MYH7: variants seen among roughly 807,000 people sequenced by gnomAD.
MYH7 encodes the protein myosin heavy chain 7, also known as myosin-7.
A neutral mutation model predicts 225.4 loss-of-function variants in MYH7; 129 were observed. The observed-to-expected ratio is 0.57, with a 90% CI of 0.50 to 0.66. The LOEUF (loss-of-function observed/expected upper bound fraction) is 0.66, where lower values mean the gene tolerates loss of function less well. Ranked by LOEUF, MYH7 falls within the 30% of genes least tolerant of loss-of-function variation. The pLI, the probability that MYH7 is intolerant of heterozygous loss-of-function variation, is 0.00. For synonymous variants in MYH7, 971 were observed against 1,007.6 expected, an observed-to-expected ratio of 0.96 and a Z score of 0.69; for missense variants, 1,649 against 2,517.0, an observed-to-expected ratio of 0.66 and a Z score of 7.38.
At position 23,433,337 on chromosome 14, in the gene MYH7, C is replaced by A. The variant is rs568980149; in HGVS notation, c.202-110G>T. On this transcript the variant is annotated intron_variant, in intron 3 of 39. Transcript: ENST00000355349. This position sits in a 1 kb window ranked among gnomAD's most constrained non-coding sequence, Gnocchi z 4.1. ...GCAATAGTGCTCAAGAGAGAAGGAA[C>A]CAGGATCTCACAGGGAAGACAGAAG... is the stretch of plus-strand genomic sequence containing the variant. 6.5e-7 allele frequency: 1 copy of A among 1,535,226 alleles called. No individual in the cohort carries two copies. Among genetic ancestry groups the A allele is most frequent in the South Asian group, 1.1e-5 (1 of 87,640 alleles).
At position 23,415,656 on chromosome 14, in the gene MYH7, A is replaced by G. The variant is rs771954434; in HGVS notation, c.5130T>C (p.Ser1710=). The change falls in exon 35 of 40, where the codon AGT becomes AGC. Residue 1710 remains serine (S), a synonymous_variant. Coordinates refer to ENST00000355349, the MANE Select transcript of MYH7 (RefSeq NM_000257.4). This position sits in a 1 kb window ranked among gnomAD's most constrained non-coding sequence, Gnocchi z 6.3. The part of the protein sequence containing the change: ...KLAEQELIET[S]ERVQLLHSQN... ...GGGAATGCAGCAGCTGCACCCGCTC[A>G]CTAGTCTCAATCAGCTCCTGCTCCG... 7.4e-6 allele frequency: 12 copies of G among 1,613,934 alleles called. No homozygotes were observed. The highest frequency in any genetic ancestry group is 2.7e-5 in the African/African-American group (2 of 75,046).
At chr14:23,416,359 AG>A in intron 33 of MYH7, 47 bp from the exon 34 acceptor site, 2 of 1,589,658 alleles carry the variant, frequency 1.3e-6, no homozygotes, top group Non-Finnish European at 1.7e-6. Context: ...GTCAGGGCAC[AG>A]GGCAGGGTGG....
intron 9 of MYH7, 73 bp from the exon 10 acceptor site, chr14:23,431,072 T>C (rs1892915961): frequency 1.8e-6 from 2 of 1,130,802 alleles, no homozygotes; most frequent in Non-Finnish European, 2.7e-6. Context: ...TAATGATAAA[T>C]GTAGCAAGCA....
At chr14:23,421,173 G>A (rs1892460745) in intron 25 of MYH7, 125 bp from the exon 26 acceptor site, 1 of 734,534 alleles carries the variant, frequency 1.4e-6, no homozygotes, top group African/African-American at 1.7e-5. Context: ...AGCTTCTGGG[G>A]GTGATGTAGG....
At position 23,420,230 on chromosome 14, in the gene MYH7, C is replaced by T. The variant is rs730880773; in HGVS notation, c.3341G>A (p.Arg1114His). The T allele has an allele frequency of 3.7e-6, 6 of 1,609,242 alleles. No individual in the cohort carries two copies. Among genetic ancestry groups the T allele is most frequent in the East Asian group, 2.2e-5 (1 of 44,740 alleles). Residue 1114 changes from arginine to histidine, a missense_variant, in exon 27 of 40, where the codon CGC becomes CAC. Physicochemically the swap from Arg to His is conservative, Grantham distance 29. This residue lies in a region of MYH7 where 106 missense variants were observed against 198.8 expected (regional missense o/e 0.53). Transcript: ENST00000355349. ...CAGCTCCTCCTCCAGCTCCTCGATG[C>T]GTGCCTGGTCAGACACAAAGGGCTC... ...LQKKLKELQA[R>H]IEELEEELEA... is the part of the protein sequence containing the mutation.
rs1892151939 is a variant in MYH7 at position 23,415,426 on chromosome 14, C to A, written c.5238G>T (p.Gln1746His). The A allele has an allele frequency of 6.2e-7, 1 of 1,614,232 alleles. No individual in the cohort carries two copies. The change falls in exon 36 of 40, where the codon CAG becomes CAT. Residue 1746 changes from glutamine (Q) to histidine (H), a missense_variant. Around this residue, in one of 12 missense-constraint regions of MYH7, gnomAD observed 687 missense variants for 913.8 expected, o/e 0.75. Transcript: ENST00000355349. This position sits in a 1 kb window ranked among gnomAD's most constrained non-coding sequence, Gnocchi z 6.3. ...CCTTCTCCTCAGCATTCCTGCACTC[C>A]TGCACTGCCTCCTCCACTTCAGTCT... ...QLQTEVEEAV[Q>H]ECRNAEEKAK... is the part of the protein sequence containing the mutation.
chr14:23,428,869 G>A (rs1167087124), intron 14 of MYH7, 86 bp downstream of exon 14: 1 of 1,604,002 alleles, frequency 6.2e-7, no homozygotes, highest in East Asian at 2.2e-5. Flanking sequence ...TCCCATGTCT[G>A]GTCCACAGCT....
chr14:23,417,679 G>A lies in MYH7; in HGVS notation c.4177C>T (p.Leu1393=). 6.2e-7 allele frequency: 1 copy of A among 1,612,784 alleles called. No individual in the cohort carries two copies. Among genetic ancestry groups the A allele is most frequent in the Non-Finnish European group, 8.5e-7 (1 of 1,180,016 alleles). Residue 1393 remains leucine, a synonymous_variant, in exon 31 of 40, where the codon CTG becomes TTG. Transcript: ENST00000355349. ...TEELEEAKKK[L]AQRLQEAEEA... Reference sequence around the variant, plus strand: ...TCAGCTTCCTGCAGCCGCTGGGCCAGCTTCTTCCTGCCCAGGGGAGGGTGG... The same window carrying A: ...TCAGCTTCCTGCAGCCGCTGGGCCAACTTCTTCCTGCCCAGGGGAGGGTGG...
intron 17 of MYH7, 112 bp from the exon 18 acceptor site, chr14:23,426,976 C>A: frequency 9.3e-7 from 1 of 1,078,720 alleles, no homozygotes; most frequent in Non-Finnish European, 1.4e-6. Context: ...CGAGAAGTCA[C>A]AGAGATGAAG....
intron 30 of MYH7, 125 bp downstream of exon 30, chr14:23,418,085 A>G: frequency 1.4e-6 from 2 of 1,384,642 alleles, no homozygotes; most frequent in Non-Finnish European, 2.1e-6. Context: ...GGGCCGGGGC[A>G]GAGTCCTCCT....
In MYH7 at chr14:23,424,752, T is replaced by C. The variant is rs767776809; in HGVS notation, c.2679+17A>G. ...CAGAGCAGGGTGGAAGAGCCAACAG[T>C]AGCCCAGGAGCCTCACCGCCTGCAC... On this transcript the variant is annotated intron_variant, in intron 22 of 39. Coordinates refer to ENST00000355349, the MANE Select transcript of MYH7 (RefSeq NM_000257.4). The C allele has an allele frequency of 1.9e-6, 3 of 1,613,758 alleles. No individual in the cohort carries two copies.
rs138682220 is a variant in MYH7 at position 23,415,103 on chromosome 14, C to T, written c.5451G>A (p.Ala1817=). The part of the protein sequence containing the change: ...GGKKQLQKLE[A]RVRELENELE... ...GCTCATTCTCCAGCTCCCGCACCCG[C>T]GCTTCCAGCTTCTGCAGCTGCTTCT... Residue 1817 remains alanine (A), a synonymous_variant, in exon 37 of 40, where the codon GCG becomes GCA. Transcript: ENST00000355349. The surrounding 1 kb of genome is among the most constrained non-coding windows in gnomAD (Gnocchi z 6.3). 4.3e-5 allele frequency: 70 copies of T among 1,613,972 alleles called. No homozygotes were observed. Among genetic ancestry groups the T allele is most frequent in the Admixed American group, 2.7e-4 (16 of 60,004 alleles).
rs746809431 is a variant in MYH7 at position 23,412,802 on chromosome 14, C to A, written c.*52G>T. 1.1e-5 allele frequency: 18 copies of A among 1,608,168 alleles called. No homozygotes were observed. In the Admixed American group the frequency reaches 1.2e-4, roughly 10 times the overall value. On this transcript the variant is annotated 3_prime_UTR_variant, in exon 40 of 40. Transcript: ENST00000355349. ...CAAGGAGCTGTTACACAGGCTCCAG[C>A]ATGGGGCTTTGCTGGCACCTCCAGG...
chr14:23,433,219 G>A lies in MYH7; in HGVS notation c.210C>T (p.Thr70=), dbSNP rs774429242. The change falls in exon 4 of 40, where the codon ACC becomes ACT. Residue 70 remains threonine, a synonymous_variant. Transcript: ENST00000355349. The surrounding 1 kb of genome is among the most constrained non-coding windows in gnomAD (Gnocchi z 4.1). ...GCTGCATCACCTGGTCCTCCTTCAC[G>A]GTCACTGTCTGCAAGAGCCCCCACC... is the stretch of plus-strand genomic sequence containing the variant. ...TAETEYGKTV[T]VKEDQVMQQN... 24 of 1,614,014 alleles carry A rather than the reference G, an allele frequency of 1.5e-5. No homozygotes were observed. The highest frequency in any genetic ancestry group is 2.2e-5 in the East Asian group (1 of 44,890).
In MYH7 at chr14:23,433,129, C is replaced by G. The variant is rs757141502; in HGVS notation, c.300G>C (p.Ala100=). 6.2e-7 allele frequency: 1 copy of G among 1,614,110 alleles called. No homozygotes were observed. Among genetic ancestry groups the G allele is most frequent in the Non-Finnish European group, 8.5e-7 (1 of 1,180,016 alleles). The change falls in exon 4 of 40, where the codon GCG becomes GCC. Residue 100 remains alanine, a synonymous_variant. Coordinates refer to ENST00000355349, the MANE Select transcript of MYH7 (RefSeq NM_000257.4). This position sits in a 1 kb window ranked among gnomAD's most constrained non-coding sequence, Gnocchi z 4.1. ...AGCGATCCTTGAGGTTGTAGAGCAC[C>G]GCGGGCTCATGCAGGAAGGTCAGCA... ...MAMLTFLHEP[A]VLYNLKDRYG... is the part of the protein sequence containing the mutation.
chr14:23,429,180 G>A (rs778531123), intron 13 of MYH7, 49 bp downstream of exon 13: 11 of 1,613,618 alleles, frequency 6.8e-6, no homozygotes, highest in South Asian at 1.1e-5. Context: ...ATCCCACCAT[G>A]CCAGTCTCCC....
chr14:23,432,437 C>A, intron 6 of MYH7, 42 bp downstream of exon 6: 1 of 1,613,016 alleles, frequency 6.2e-7, no homozygotes, highest in Non-Finnish European at 8.5e-7. Context: ...AGGCTGGGAT[C>A]AGGGAGATTC....
rs1566523264 is a variant in MYH7, at chr14:23,415,685, G to A, written c.5101C>T (p.Leu1701=). 6.2e-7 allele frequency: 1 copy of A among 1,614,158 alleles called. No homozygotes were observed. The change falls in exon 35 of 40, where the codon CTG becomes TTG. Residue 1701 remains leucine (L), a synonymous_variant. Transcript: ENST00000355349. This position sits in a 1 kb window ranked among gnomAD's most constrained non-coding sequence, Gnocchi z 6.3. ...GTCTCAATCAGCTCCTGCTCCGCCA[G>A]CTTCCGGGACCGCTCTGTCTGCTCC... ...VVEQTERSRK[L]AEQELIETSE...
chr14:23,433,416 A>G lies in MYH7; in HGVS notation c.201+116T>C. 4.2e-6 allele frequency: 6 copies of G among 1,444,114 alleles called. 1 individual carries two copies. Among genetic ancestry groups the G allele is most frequent in the Middle Eastern group, 2.3e-4 (1 of 4,442 alleles). 89.5% of individuals were successfully genotyped at this position (1,444,114 alleles called of 1,614,324 possible). A position where few individuals can be genotyped will look rare whatever the true frequency, so the allele number is the denominator to read the frequency against. ...AGGGTCTGGATTCTTCCCCAAAGGG[A>G]AGGAGAATGGGACCATCCTCAGGTC... is the stretch of plus-strand genomic sequence containing the variant. On this transcript the variant is annotated intron_variant, in intron 3 of 39. Coordinates refer to ENST00000355349, the MANE Select transcript of MYH7 (RefSeq NM_000257.4). This position sits in a 1 kb window ranked among gnomAD's most constrained non-coding sequence, Gnocchi z 4.1.
Sources: gnomAD v4.1 joint callset for allele counts on GRCh38, gnomAD v4.1.1 for gene constraint, gnomAD v4.1.1 regional missense constraint, Gnocchi (gnomAD v3.1) non-coding constraint, MANE v1.5 for transcripts, NCBI Gene and HGNC (gene_info 2026-07-23, HGNC 2026-07-21) for gene names.